The following ANGPT2 variants were observed in gnomAD, a reference collection of about 807,000 sequenced individuals.
ANGPT2 encodes angiopoietin 2.
ANGPT2 carries 28 observed loss-of-function variants against 62.9 expected under a neutral mutation model. The observed-to-expected ratio is 0.44, with a 90% CI of 0.33 to 0.61. The LOEUF is 0.61. ANGPT2 is among the 20% of genes least tolerant of loss of function. The probability of loss-of-function intolerance (pLI) is 0.03; values close to 1 mark genes in which losing one functional copy is unlikely to be tolerated. For missense variants in ANGPT2, 727 were observed against 594.9 expected, an observed-to-expected ratio of 1.22 and a Z score of -2.31; for synonymous variants, 284 against 207.8, an observed-to-expected ratio of 1.37 and a Z score of -3.15.
chr8:6,553,647 C>T (rs1824068027), intron 1 of ANGPT2, among the ~76,000 whole-genome samples: 1 of 151,646 alleles, frequency 6.6e-6, no homozygotes, highest in Non-Finnish European at 1.5e-5. Flanking sequence ...GAAACAAAAT[C>T]CCTGAAATGG....
intron 7 of ANGPT2, among the ~76,000 whole-genome samples, chr8:6,509,740 A>C (rs781275165): frequency 3.2e-4 from 49 of 152,214 alleles, no homozygotes; most frequent in Non-Finnish European, 6.5e-4. Flanking sequence ...TTGAAAATGC[A>C]TGGAATACAC....
intron 1 of ANGPT2, among the ~76,000 whole-genome samples, chr8:6,553,892 G>A (rs911271450): frequency 2.6e-5 from 4 of 152,024 alleles, no homozygotes; most frequent in East Asian, 1.9e-4. Context: ...GCGTATTTTC[G>A]CCTTTTGCTG....
rs548638250 is a variant in ANGPT2, at chr8:6,562,519, C to CGCTCTCCA, written c.288+120_288+127dup. Reference sequence around the variant, plus strand: ...CTTTCATTTGAGGGTACCAGCAACCCGCTCTCCAGCTCTAATCCTCTTCAT... The same window carrying CGCTCTCCA: ...CTTTCATTTGAGGGTACCAGCAACCCGCTCTCCAGCTCTCCAGCTCTAATCCTCTTCAT... On this transcript the variant is annotated intron_variant, in intron 1 of 8. Transcript: ENST00000629816. 7.4e-5 allele frequency: 60 copies of CGCTCTCCA among 811,942 alleles called. No homozygotes were observed. In the Admixed American group the frequency reaches 9.8e-4, roughly 13 times the overall value. The allele number at this position is 811,942 out of a possible 1,614,324, so 50.3% of individuals were successfully genotyped here. A position where few individuals can be genotyped will look rare whatever the true frequency, so the allele number is the denominator to read the frequency against.
chr8:6,558,444 A>T (rs2129575554), intron 1 of ANGPT2, among the ~76,000 whole-genome samples: 1 of 152,330 alleles, frequency 6.6e-6, no homozygotes, highest in African/African-American at 2.4e-5. Flanking sequence ...ACAAAATTTC[A>T]ATTATTTTAT....
intron 1 of ANGPT2, among the ~76,000 whole-genome samples, chr8:6,533,902 T>C (rs914919556): frequency 6.6e-6 from 1 of 152,208 alleles, no homozygotes; most frequent in African/African-American, 2.4e-5. Flanking sequence ...GTTTCTCTCT[T>C]AGAGCTTCTT....
chr8:6,504,371 A>T (rs568623522), intron 8 of ANGPT2, among the ~76,000 whole-genome samples: 1 of 150,724 alleles, frequency 6.6e-6, no homozygotes, highest in South Asian at 2.1e-4. Flanking sequence ...TGCCGTTCTG[A>T]GTAACGGGAT....
At chr8:6,538,974 C>T (rs1006059607) in intron 1 of ANGPT2, among the ~76,000 whole-genome samples, 1 of 152,166 alleles carries the variant, frequency 6.6e-6, no homozygotes, top group Admixed American at 6.5e-5. Flanking sequence ...TTTGAGGTCT[C>T]CAGACAGAAA....
chr8:6,562,897 A>G lies in ANGPT2; in HGVS notation c.38T>C (p.Leu13Pro). ...GTTGTTATAGGCTGCGGCCAAGACA[A>G]GATCACAGCTCAGAGTAAAGAAAAC... is the stretch of plus-strand genomic sequence containing the variant. ...QIVFFTLSCDLVLAAAYNNFR... is the reference protein window; with the variant it reads ...QIVFFTLSCDPVLAAAYNNFR... The change falls in exon 1 of 9, where the codon CTT becomes CCT. Residue 13 changes from leucine to proline, a missense_variant. By Grantham distance (98) the Leu-to-Pro change is moderately conservative. Transcript: ENST00000629816. 6.2e-7 allele frequency: 1 copy of G among 1,607,424 alleles called. No individual in the cohort carries two copies.
chr8:6,550,181 C>G (rs977381641), intron 1 of ANGPT2, among the ~76,000 whole-genome samples: 5 of 152,232 alleles, frequency 3.3e-5, no homozygotes, highest in African/African-American at 7.2e-5. Flanking sequence ...CCTCGCCTGG[C>G]GTCGGCTCCA....
rs372559737 is a variant in ANGPT2 at position 6,505,754 on chromosome 8, G to A, written c.1328-2493C>T. Among the ~76,000 whole-genome samples the A allele has an allele frequency of 2.9e-3, 364 of 124,800 alleles. 1 individual carries two copies. Among genetic ancestry groups the A allele is most frequent in the African/African-American group, 0.01 (337 of 32,564 alleles). 81.9% of individuals were successfully genotyped at this position (124,800 alleles called of 152,430 possible). A position where few individuals can be genotyped will look rare whatever the true frequency, so the allele number is the denominator to read the frequency against. On this transcript the variant is annotated intron_variant, in intron 8 of 8. Transcript: ENST00000629816. The stretch of plus-strand genomic sequence containing the variant: ...TTCTATATATATTCTTTATATATAC[G>A]TATATATAGAATATATATATTCTTT...
At chr8:6,514,539 G>A in intron 6 of ANGPT2, 138 bp downstream of exon 6, 1 of 732,934 alleles carries the variant, frequency 1.4e-6, no homozygotes, top group Admixed American at 2.2e-5. Flanking sequence ...TCTTTAAAGG[G>A]GAGACTGAAG....
Position 6,501,028 on chromosome 8 carries a change from G to T in ANGPT2, c.*2073C>A, listed in dbSNP as rs1216673124. 6.6e-6 allele frequency: 1 copy of T among 152,176 alleles called. No individual in the cohort carries two copies. Among genetic ancestry groups the T allele is most frequent in the Non-Finnish European group, 1.5e-5 (1 of 68,024 alleles). The allele number at this position is 152,176 out of a possible 1,614,324, so 9.4% of individuals were successfully genotyped here. On this transcript the variant is annotated 3_prime_UTR_variant, in exon 9 of 9. Coordinates refer to ENST00000629816, the MANE Select transcript of ANGPT2 (RefSeq NM_001118887.2). The stretch of plus-strand genomic sequence containing the variant: ...CTGTGAAATTTTCTTATTTTCAGTT[G>T]TTTTTCAACTTGATACAAGGCCATG...
intron 3 of ANGPT2, among the ~76,000 whole-genome samples, chr8:6,526,028 T>A (rs1018900817): frequency 6.6e-6 from 1 of 152,112 alleles, no homozygotes; most frequent in African/African-American, 2.4e-5. Flanking sequence ...GTCACGGACA[T>A]CATTGTATAA....
chr8:6,501,436 A>T lies in ANGPT2; in HGVS notation c.*1665T>A, dbSNP rs1042793943. The T allele has an allele frequency of 6.6e-6, 1 of 152,216 alleles. No homozygotes were observed. The highest frequency in any genetic ancestry group is 2.4e-5 in the African/African-American group (1 of 41,466). The allele number at this position is 152,216 out of a possible 1,614,324, so 9.4% of individuals were successfully genotyped here. On this transcript the variant is annotated 3_prime_UTR_variant, in exon 9 of 9. Transcript: ENST00000629816. ...TTGCCTTTAAATTATAAAGCTTTAC[A>T]CAAATGTTCATTAGTATTAATTGTA...
intron 1 of ANGPT2, among the ~76,000 whole-genome samples, chr8:6,534,029 C>T (rs1820036200): frequency 6.6e-6 from 1 of 152,252 alleles, no homozygotes; most frequent in South Asian, 2.1e-4. Context: ...TGCCCCACTT[C>T]TCTAAGCTCC....
At chr8:6,503,344 G>A in intron 8 of ANGPT2, 83 bp from the exon 9 acceptor site, 1 of 1,460,466 alleles carries the variant, frequency 6.8e-7, no homozygotes, top group Non-Finnish European at 9.5e-7. Context: ...AGCTAAGGCA[G>A]GAGGCACACT....
intron 1 of ANGPT2, among the ~76,000 whole-genome samples, chr8:6,534,614 TTTAAAAAATTAAAGTA>T (rs1213124962): frequency 4.6e-5 from 7 of 152,306 alleles, no homozygotes; most frequent in Admixed American, 4.6e-4. Flanking sequence ...AGACCACTAC[TTTAAAAAATTAAAGTA>T]TTAAAAAATT....
At chr8:6,507,984 G>A (rs1814125843) in intron 8 of ANGPT2, 1 of 152,108 alleles carries the variant, frequency 6.6e-6, no homozygotes, top group Admixed American at 6.5e-5. Context: ...ATGGTTTTTG[G>A]CTTATGAGTG....
chr8:6,533,603 A>G (rs1353877702), intron 1 of ANGPT2, among the ~76,000 whole-genome samples: 4 of 141,482 alleles, frequency 2.8e-5, no homozygotes, highest in Admixed American at 7.4e-5. Flanking sequence ...AAATAATCTA[A>G]TGATGGGAAC....
Sources: gnomAD v4.1 joint callset for allele counts (sites outside exome capture counted in the v4.1 genomes callset) on GRCh38, gnomAD v4.1.1 for gene constraint, MANE v1.5 for transcripts, NCBI Gene and HGNC (gene_info 2026-07-23, HGNC 2026-07-21) for gene names.